LPP: variants seen among roughly 807,000 people sequenced by gnomAD.
The protein encoded by LPP is lipoma-preferred partner.
Under a neutral mutation model 60.4 loss-of-function variants are expected in LPP, and 38 were observed. That is an observed-to-expected ratio of 0.63 (90% CI 0.49 to 0.83). The LOEUF (loss-of-function observed/expected upper bound fraction) is 0.83. LPP is among the 40% of genes least tolerant of loss of function. The pLI is 0.00. For synonymous variants in LPP, 328 were observed against 290.8 expected (o/e 1.13, Z -1.30); for missense variants, 902 against 783.6 (o/e 1.15, Z -1.80).
At chr3:188,503,638 C>CT in intron 5 of LPP, among the ~76,000 whole-genome samples, 1 of 140,952 alleles carries the variant, frequency 7.1e-6, no homozygotes, top group East Asian at 2.5e-4. Context: ...ACTCTCTCAC[C>CT]TCTTTTTTTT....
At chr3:188,731,512 G>GTTTTTTTTGTTTTGT (rs1720482205) in intron 8 of LPP, among the ~76,000 whole-genome samples, 1 of 98,500 alleles carries the variant, frequency 1.0e-5, no homozygotes, top group African/African-American at 4.3e-5. Flanking sequence ...TTATTTTTTT[G>GTTTTTTTTGTTTTGT]TTTTTTTTGT....
intron 6 of LPP, among the ~76,000 whole-genome samples, chr3:188,558,555 G>C (rs966924797): frequency 2.6e-5 from 4 of 152,052 alleles, no homozygotes; most frequent in African/African-American, 9.7e-5. Context: ...GTGTGCTTCC[G>C]TTTCTGGGAT....
At chr3:188,310,748 T>C in intron 2 of LPP, among the ~76,000 whole-genome samples, 1 of 152,072 alleles carries the variant, frequency 6.6e-6, no homozygotes, top group Non-Finnish European at 1.5e-5. Context: ...TCAATGGCAA[T>C]AGGAAGGGTA....
At chr3:188,569,593 T>C (rs186091702) in intron 6 of LPP, among the ~76,000 whole-genome samples, 56 of 152,160 alleles carry the variant, frequency 3.7e-4, no homozygotes, top group African/African-American at 1.3e-3. Flanking sequence ...CACAAATCAA[T>C]TCACTTATTT....
intron 10 of LPP, among the ~76,000 whole-genome samples, chr3:188,870,441 C>T (rs1413475682): frequency 6.6e-6 from 1 of 152,162 alleles, no homozygotes; most frequent in Non-Finnish European, 1.5e-5. Flanking sequence ...ATTTAATCAG[C>T]ATCCATTAGT....
chr3:188,559,847 G>GT (rs1425369763), intron 6 of LPP, among the ~76,000 whole-genome samples: 3 of 152,048 alleles, frequency 2.0e-5, no homozygotes, highest in Admixed American at 1.3e-4. Context: ...ATGTAACACT[G>GT]TTCCCCCAAA....
intron 2 of LPP, among the ~76,000 whole-genome samples, chr3:188,300,096 GA>G (rs1202808433): frequency 6.6e-6 from 1 of 152,126 alleles, no homozygotes; most frequent in East Asian, 1.9e-4. Flanking sequence ...AAAGTATGAT[GA>G]AAATTAAAAT....
chr3:188,465,347 C>T (rs1029125921), intron 4 of LPP, among the ~76,000 whole-genome samples: 2 of 152,088 alleles, frequency 1.3e-5, no homozygotes, highest in African/African-American at 4.8e-5. Flanking sequence ...TAAGTCGGAA[C>T]TATTCGGTGT....
chr3:188,523,557 G>T (rs1395556060), intron 5 of LPP, among the ~76,000 whole-genome samples: 1 of 152,162 alleles, frequency 6.6e-6, no homozygotes, highest in African/African-American at 2.4e-5. Context: ...GACTTCAAGG[G>T]TTATAAGATT....
At chr3:188,307,863 C>A (rs909010002) in intron 2 of LPP, among the ~76,000 whole-genome samples, 1 of 152,128 alleles carries the variant, frequency 6.6e-6, no homozygotes, top group Non-Finnish European at 1.5e-5. Flanking sequence ...TGTTTCTATA[C>A]GTATTGAATG....
chr3:188,609,066 G>A lies in LPP; in HGVS notation c.430-95G>A. ...TCTACATAGTAATAAATAATAATTA[G>A]CAGTTATTAATATTTTTCATTTATT... On this transcript the variant is annotated intron_variant, in intron 6 of 11. Transcript: ENST00000617246. This position sits in a 1 kb window ranked among gnomAD's most constrained non-coding sequence, Gnocchi z 6.9. The A allele has an allele frequency of 2.3e-6, 2 of 871,932 alleles. No individual in the cohort carries two copies. Among genetic ancestry groups the A allele is most frequent in the South Asian group, 3.5e-5 (2 of 57,814 alleles). The allele number at this position is 871,932 out of a possible 1,614,324, so 54.0% of individuals were successfully genotyped here.
intron 9 of LPP, among the ~76,000 whole-genome samples, chr3:188,811,351 TAC>T (rs58445393): frequency 0.037 from 5,398 of 144,690 alleles, 184 homozygotes; most frequent in African/African-American, 0.086. Context: ...AAGTGCTGTA[TAC>T]ACACACACAC....
At chr3:188,857,374 A>T (rs1270786901) in intron 9 of LPP, among the ~76,000 whole-genome samples, 1 of 152,228 alleles carries the variant, frequency 6.6e-6, no homozygotes, top group Non-Finnish European at 1.5e-5. Context: ...TAGAAGAATG[A>T]GCCTTTCTCT....
At chr3:188,340,396 CTTTTTTTT>C (rs5855188) in intron 2 of LPP, among the ~76,000 whole-genome samples, 1 of 116,622 alleles carries the variant, frequency 8.6e-6, no homozygotes, top group African/African-American at 3.2e-5. Flanking sequence ...CAATCATGCT[CTTTTTTTT>C]TTTTTTTTTT....
chr3:188,377,610 AT>A (rs1320860743), intron 3 of LPP, among the ~76,000 whole-genome samples: 1 of 151,622 alleles, frequency 6.6e-6, no homozygotes, highest in Non-Finnish European at 1.5e-5. Context: ...CATTCGTCTA[AT>A]TTTTTTTCAA....
At chr3:188,325,079 C>G (rs576185672) in intron 2 of LPP, among the ~76,000 whole-genome samples, 1 of 152,180 alleles carries the variant, frequency 6.6e-6, no homozygotes, top group African/African-American at 2.4e-5. Flanking sequence ...CTTCTGGGTT[C>G]AAGCAATTCT....
intron 3 of LPP, among the ~76,000 whole-genome samples, chr3:188,350,347 C>A (rs1247144957): frequency 1.3e-5 from 2 of 152,156 alleles, no homozygotes; most frequent in Non-Finnish European, 2.9e-5. Context: ...GGGACAAGAG[C>A]TGGCTTTGAA....
Position 188,785,547 on chromosome 3 carries a change from T to TATATATATACACACACAC in LPP, c.1410+25266_1410+25267insTATATATACACACACACA, listed in dbSNP as rs1206082559. 2.3e-3 allele frequency among the ~76,000 whole-genome samples: 100 copies of TATATATATACACACACAC among 43,844 alleles called. 15 individuals are homozygous for TATATATATACACACACAC. The highest frequency in any genetic ancestry group is 8.4e-3 in the African/African-American group (89 of 10,628). 28.8% of individuals were successfully genotyped at this position (43,844 alleles called of 152,430 possible). ...ATATATATTCCATCATATATATATA[T>TATATATATACACACACAC]ACACACACACACACACACACACACA... On this transcript the variant is annotated intron_variant, in intron 9 of 11. Transcript: ENST00000617246.
chr3:188,845,142 G>A (rs1761089665), intron 9 of LPP, among the ~76,000 whole-genome samples: 1 of 152,198 alleles, frequency 6.6e-6, no homozygotes, highest in Admixed American at 6.5e-5. Flanking sequence ...ACCAAATTGA[G>A]ATTGGATTCA....
Sources: allele counts gnomAD v4.1 joint callset (sites outside exome capture counted in the v4.1 genomes callset), GRCh38; gene constraint gnomAD v4.1.1; non-coding constraint Gnocchi (gnomAD v3.1); transcripts MANE v1.5; gene names NCBI Gene and HGNC (gene_info 2026-07-23, HGNC 2026-07-21).